Variants in CCDC148 observed in about 807,000 individuals in gnomAD.
CCDC148 encodes coiled-coil domain containing 148, also known as coiled-coil domain-containing protein 148.
In CCDC148, 89 loss-of-function variants were observed where a neutral mutation model predicts 85.7. The observed-to-expected ratio is 1.04, with a 90% CI of 0.87 to 1.24. CCDC148 has a LOEUF of 1.24. Ranked by LOEUF, CCDC148 falls within the 50% of genes most tolerant of loss-of-function variation. The pLI is 0.00. For missense variants in CCDC148, 692 were observed against 671.7 expected, an observed-to-expected ratio of 1.03 and a Z score of -0.33; for synonymous variants, 230 against 213.9, an observed-to-expected ratio of 1.08 and a Z score of -0.66.
At chr2:158,287,137 A>T (rs1354203595) in intron 9 of CCDC148, among the ~76,000 whole-genome samples, 2 of 152,176 alleles carry the variant, frequency 1.3e-5, no homozygotes. Context: ...TCACGAGAAT[A>T]GCACAGGAAA....
intron 1 of CCDC148, among the ~76,000 whole-genome samples, chr2:158,400,190 C>G (rs898350850): frequency 4.6e-5 from 7 of 152,184 alleles, no homozygotes; most frequent in Non-Finnish European, 8.8e-5. Context: ...ACTTTCTTCA[C>G]AGAATTCGAA....
At chr2:158,232,087 A>G (rs1488451494) in intron 10 of CCDC148, among the ~76,000 whole-genome samples, 1 of 152,216 alleles carries the variant, frequency 6.6e-6, no homozygotes. Flanking sequence ...GCATATGATA[A>G]GAGTTGAATT....
chr2:158,186,952 C>A (rs567487085), intron 11 of CCDC148, among the ~76,000 whole-genome samples: 22 of 152,112 alleles, frequency 1.4e-4, no homozygotes, highest in African/African-American at 5.3e-4. Context: ...TTCTCATCTA[C>A]CCTGCCAATA....
Position 158,368,915 on chromosome 2 carries a change from T to G in CCDC148, c.26-10345A>C, listed in dbSNP as rs552764035. 2.0e-5 allele frequency among the ~76,000 whole-genome samples: 3 copies of G among 152,242 alleles called. No homozygotes were observed. The East Asian group carries it at 5.8e-4, about 29-fold the overall frequency. On this transcript the variant is annotated intron_variant, in intron 1 of 13. Transcript: ENST00000283233. The stretch of plus-strand genomic sequence containing the variant: ...GTTTTTTTTAACACTGTTAATATTC[T>G]TATTCTTCTCTTTTCTAAGAAAATC...
chr2:158,281,693 G>C (rs1690311317), intron 9 of CCDC148, among the ~76,000 whole-genome samples: 1 of 152,152 alleles, frequency 6.6e-6, no homozygotes, highest in South Asian at 2.1e-4. Flanking sequence ...AATTCTACCA[G>C]AGGTGCAAGG....
chr2:158,254,303 T>G (rs1324106492), intron 9 of CCDC148, among the ~76,000 whole-genome samples: 1 of 151,686 alleles, frequency 6.6e-6, no homozygotes, highest in Non-Finnish European at 1.5e-5. Flanking sequence ...GGTATGATAA[T>G]AGTATGGTTA....
At chr2:158,223,701 G>C (rs1687329113) in intron 10 of CCDC148, among the ~76,000 whole-genome samples, 1 of 152,168 alleles carries the variant, frequency 6.6e-6, no homozygotes, top group Non-Finnish European at 1.5e-5. Context: ...CTGATACCCA[G>C]GCAAACAGGG....
chr2:158,244,247 A>G (rs1688474051), intron 10 of CCDC148, among the ~76,000 whole-genome samples: 1 of 152,196 alleles, frequency 6.6e-6, no homozygotes, highest in Admixed American at 6.6e-5. Flanking sequence ...TCCAGATACT[A>G]AAATCTGTAT....
intron 8 of CCDC148, among the ~76,000 whole-genome samples, chr2:158,310,390 G>A (rs1211919279): frequency 1.3e-5 from 2 of 152,152 alleles, no homozygotes; most frequent in South Asian, 4.1e-4. Flanking sequence ...TTTTCTATGC[G>A]ACAAAACTGC....
Position 158,408,645 on chromosome 2 carries a change from TTTTC to T in CCDC148, c.25+47766_25+47769del, listed in dbSNP as rs1481467426. Among the ~76,000 whole-genome samples, 11 of 152,126 alleles carry T rather than the reference TTTTC, an allele frequency of 7.2e-5. No homozygotes were observed. The South Asian group carries it at 2.3e-3, about 32-fold the overall frequency. ...TATATATACATACATATATACCACATTTTCTTTATGCATTCATCCATTGATGGAC... is the reference window on the plus strand; with the variant it reads ...TATATATACATACATATATACCACATTTTATGCATTCATCCATTGATGGAC... On this transcript the variant is annotated intron_variant, in intron 1 of 13. Coordinates refer to ENST00000283233, the MANE Select transcript of CCDC148 (RefSeq NM_138803.4).
In CCDC148 at chr2:158,345,250, C is replaced by T; in HGVS notation, c.216G>A (p.Val72=). ...TCAGCCTCTGGTATTCCTGCCACCACACTTGCTTGTGTTGTTTTATTAGTG... is the reference window on the plus strand; with the variant it reads ...TCAGCCTCTGGTATTCCTGCCACCATACTTGCTTGTGTTGTTTTATTAGTG... ...EQTLIKQHKQ[V]WWQEYQRLNE... is the part of the protein sequence containing the mutation. Residue 72 remains valine, a synonymous_variant, in exon 3 of 14, where the codon GTG becomes GTA. Transcript: ENST00000283233. 1 of 1,613,644 alleles carries T rather than the reference C, an allele frequency of 6.2e-7. No homozygotes were observed. The highest frequency in any genetic ancestry group is 8.5e-7 in the Non-Finnish European group (1 of 1,179,732).
chr2:158,269,655 C>T lies in CCDC148; in HGVS notation c.1111-18743G>A, dbSNP rs116782472. On this transcript the variant is annotated intron_variant, in intron 9 of 13. Transcript: ENST00000283233. ...TAGTTATAAGGCACATTCTCTGTGG[C>T]TCCTCACAGGATACCTAATTGGAAT... 9.9e-3 allele frequency among the ~76,000 whole-genome samples: 1,515 copies of T among 152,302 alleles called. 30 individuals carry two copies. Among genetic ancestry groups the T allele is most frequent in the African/African-American group, 0.035 (1,452 of 41,560 alleles).
At chr2:158,180,046 T>G (rs1684815701) in intron 11 of CCDC148, among the ~76,000 whole-genome samples, 1 of 152,192 alleles carries the variant, frequency 6.6e-6, no homozygotes, top group African/African-American at 2.4e-5. Context: ...GAGATGGAAT[T>G]CATCCTTTCA....
intron 1 of CCDC148, among the ~76,000 whole-genome samples, chr2:158,449,164 C>T (rs1373532401): frequency 6.6e-6 from 1 of 152,050 alleles, no homozygotes; most frequent in African/African-American, 2.4e-5. Context: ...ATTCCTAGTT[C>T]CTAGCATATA....
At chr2:158,441,939 T>C (rs1406037576) in intron 1 of CCDC148, among the ~76,000 whole-genome samples, 5 of 152,304 alleles carry the variant, frequency 3.3e-5, no homozygotes, top group African/African-American at 1.2e-4. Context: ...TACCAAAGAT[T>C]TGGCATAATG....
intron 9 of CCDC148, among the ~76,000 whole-genome samples, chr2:158,299,375 T>C (rs1464324042): frequency 6.6e-6 from 1 of 152,224 alleles, no homozygotes; most frequent in African/African-American, 2.4e-5. Flanking sequence ...GGAGGCTCTT[T>C]ATCTGCCAGT....
chr2:158,363,935 G>A (rs1219699785), intron 1 of CCDC148, among the ~76,000 whole-genome samples: 1 of 152,090 alleles, frequency 6.6e-6, no homozygotes, highest in Non-Finnish European at 1.5e-5. Flanking sequence ...AGCCCAAAAT[G>A]TCTTCAAGCT....
At chr2:158,199,998 C>T (rs914776312) in intron 11 of CCDC148, among the ~76,000 whole-genome samples, 1 of 152,122 alleles carries the variant, frequency 6.6e-6, no homozygotes, top group Non-Finnish European at 1.5e-5. Flanking sequence ...GGTTGAGACG[C>T]ATTCAAACTA....
At chr2:158,436,062 G>T (rs574658711) in intron 1 of CCDC148, among the ~76,000 whole-genome samples, 1 of 152,290 alleles carries the variant, frequency 6.6e-6, no homozygotes, top group Middle Eastern at 3.4e-3. Context: ...ACATCAGACA[G>T]ATCAATGAGA....
Sources: allele counts gnomAD v4.1 joint callset (sites outside exome capture counted in the v4.1 genomes callset), GRCh38; gene constraint gnomAD v4.1.1; transcripts MANE v1.5; gene names NCBI Gene and HGNC (gene_info 2026-07-23, HGNC 2026-07-21).